The following HECTD4 variants were observed in gnomAD, a reference collection of about 807,000 sequenced individuals.
The protein encoded by HECTD4 is HECT domain E3 ubiquitin protein ligase 4.
A neutral mutation model predicts 471.5 loss-of-function variants in HECTD4; 114 were observed. The observed-to-expected ratio is 0.24, with a 90% CI of 0.21 to 0.28. The LOEUF (loss-of-function observed/expected upper bound fraction) is 0.28. HECTD4 is among the 10% of genes least tolerant of loss of function. The pLI is 1.00. For synonymous variants in HECTD4, 2,012 were observed against 2,256.0 expected (o/e 0.89, Z 3.07); for missense variants, 3,866 against 5,651.5 (o/e 0.68, Z 10.13).
Position 112,173,268 on chromosome 12 carries a change from G to A in HECTD4, c.11595-407C>T, listed in dbSNP as rs987763882. On this transcript the variant is annotated intron_variant, in intron 66 of 75. Coordinates refer to ENST00000682272, the MANE Select transcript of HECTD4 (RefSeq NM_001388303.1). The surrounding 1 kb of genome is among the most constrained non-coding windows in gnomAD (Gnocchi z 4.3). ...TGCAGTGGGGCAATCATAGCTCACT[G>A]CAGCCTTGAACTCCTGGACTCAAGC... is the stretch of plus-strand genomic sequence containing the variant. Among the ~76,000 whole-genome samples the A allele has an allele frequency of 1.2e-4, 18 of 152,130 alleles. No homozygotes were observed. The highest frequency in any genetic ancestry group is 2.9e-5 in the Non-Finnish European group (2 of 68,026).
chr12:112,202,209 A>ATT (rs146967252), intron 54 of HECTD4, among the ~76,000 whole-genome samples: 3 of 145,370 alleles, frequency 2.1e-5, no homozygotes, highest in African/African-American at 2.5e-5. Flanking sequence ...AGATGATGTA[A>ATT]TTTTTTTTTT....
chr12:112,230,709 A>G lies in HECTD4; in HGVS notation c.6314T>C (p.Ile2105Thr). The change falls in exon 40 of 76, where the codon ATA becomes ACA. Residue 2105 changes from isoleucine (I) to threonine (T), a missense_variant. By Grantham distance (89) the Ile-to-Thr change is moderately conservative. Coordinates refer to ENST00000682272, the MANE Select transcript of HECTD4 (RefSeq NM_001388303.1). Reference sequence around the variant, plus strand: ...AACCTTCTCTGCTGTTGTGGTCCATATTTGAGCAGCATTTGATTCAGGTGC... The same window carrying G: ...AACCTTCTCTGCTGTTGTGGTCCATGTTTGAGCAGCATTTGATTCAGGTGC... ...LMAPESNAAQIWTTTAEKVLS... is the reference protein window; with the variant it reads ...LMAPESNAAQTWTTTAEKVLS... 1 of 1,611,078 alleles carries G rather than the reference A, an allele frequency of 6.2e-7. No individual in the cohort carries two copies. Among genetic ancestry groups the G allele is most frequent in the Admixed American group, 1.7e-5 (1 of 59,548 alleles).
At chr12:112,314,364 G>C in intron 3 of HECTD4, 93 bp downstream of exon 3, 2 of 619,828 alleles carry the variant, frequency 3.2e-6, no homozygotes, top group Non-Finnish European at 5.7e-6. Flanking sequence ...ATCACTAATT[G>C]ATAAGAGTTT....
Position 112,244,976 on chromosome 12 carries a change from C to T in HECTD4, c.4514-967G>A, listed in dbSNP as rs557376684. 8.9e-4 allele frequency among the ~76,000 whole-genome samples: 135 copies of T among 152,126 alleles called. 1 individual carries two copies. The highest frequency in any genetic ancestry group is 3.2e-3 in the African/African-American group (133 of 41,512). ...TGTTGAGAAAGTGCAGGAAAAAAAA[C>T]ATTTTGTTTTATTTTTCTAAAATTT... On this transcript the variant is annotated intron_variant, in intron 29 of 75. Transcript: ENST00000682272.
chr12:112,298,337 C>A (rs750482044), intron 7 of HECTD4, among the ~76,000 whole-genome samples: 3 of 152,062 alleles, frequency 2.0e-5, no homozygotes, highest in Non-Finnish European at 4.4e-5. Flanking sequence ...AAAATTCTGT[C>A]CCCTAGCCCC....
intron 4 of HECTD4, among the ~76,000 whole-genome samples, chr12:112,311,484 C>G (rs1042910942): frequency 1.3e-5 from 2 of 150,734 alleles, no homozygotes; most frequent in Non-Finnish European, 3.0e-5. Flanking sequence ...ATTATCCAGG[C>G]ATGTTAGTGC....
intron 8 of HECTD4, 65 bp from the exon 9 acceptor site, chr12:112,279,451 A>C (rs759304311): frequency 2.6e-5 from 36 of 1,389,178 alleles, no homozygotes; most frequent in Non-Finnish European, 3.5e-5. Flanking sequence ...GATTACCAAC[A>C]CAGATTAGGA....
rs1451311620 is a variant in HECTD4, at chr12:112,217,094, G to A, written c.7176C>T (p.Ser2392=). The change falls in exon 46 of 76, where the codon AGC becomes AGT. Residue 2392 remains serine (S), a synonymous_variant. Coordinates refer to ENST00000682272, the MANE Select transcript of HECTD4 (RefSeq NM_001388303.1). ...LTSVTFLADP[S]AGGGLPRGTF... The stretch of plus-strand genomic sequence containing the variant: ...TGCCCCGGGGCAGGCCTCCCCCAGC[G>A]CTGGGGTCAGCCAGGAAGGTGACTG... 9.4e-6 allele frequency: 15 copies of A among 1,592,880 alleles called. No individual in the cohort carries two copies. The highest frequency in any genetic ancestry group is 1.3e-5 in the African/African-American group (1 of 74,082).
At chr12:112,177,721 G>T (rs972941967) in intron 64 of HECTD4, among the ~76,000 whole-genome samples, 4 of 152,208 alleles carry the variant, frequency 2.6e-5, no homozygotes, top group African/African-American at 9.7e-5. Context: ...AATTCTTTTT[G>T]TACTGGTCTG....
At position 112,269,857 on chromosome 12, in the gene HECTD4, A is replaced by T; in HGVS notation, c.2176-8T>A. 1 of 1,612,248 alleles carries T rather than the reference A, an allele frequency of 6.2e-7. No individual in the cohort carries two copies. Among genetic ancestry groups the T allele is most frequent in the Non-Finnish European group, 8.5e-7 (1 of 1,178,490 alleles). ...GAAAAATTTAAATACCACCTACAGA[A>T]ACAGAAGGAGTCTATCTAAAAATGC... On this transcript the variant is annotated splice_region_variant and splice_polypyrimidine_tract_variant and intron_variant, in intron 12 of 75. Coordinates refer to ENST00000682272, the MANE Select transcript of HECTD4 (RefSeq NM_001388303.1).
At chr12:112,262,530 A>AAAG (rs2034172056) in intron 17 of HECTD4, among the ~76,000 whole-genome samples, 1 of 149,964 alleles carries the variant, frequency 6.7e-6, no homozygotes, top group Non-Finnish European at 1.5e-5. Context: ...AAAAAAAAAA[A>AAAG]AAAAAAAAAA....
chr12:112,261,969 T>C (rs942748021), intron 17 of HECTD4: 7 of 152,232 alleles, frequency 4.6e-5, no homozygotes, highest in African/African-American at 1.2e-4. Flanking sequence ...TTAAAAAAAT[T>C]CAATTAAAGT....
In HECTD4 at chr12:112,210,205, C is replaced by T. The variant is rs765807587; in HGVS notation, c.7677G>A (p.Ala2559=). 1.2e-5 allele frequency: 20 copies of T among 1,613,850 alleles called. No homozygotes were observed. The highest frequency in any genetic ancestry group is 8.8e-5 in the South Asian group (8 of 91,084). The part of the protein sequence containing the change: ...ANFGSRPFAY[A]EGQAHRNAAD... ...CAGCATTGCGGTGGGCCTGCCCTTC[C>T]GCGTAGGCAAACGGCCGGGAGCCAA... Residue 2559 remains alanine, a synonymous_variant, in exon 50 of 76, where the codon GCG becomes GCA. Transcript: ENST00000682272.
intron 7 of HECTD4, among the ~76,000 whole-genome samples, chr12:112,291,124 T>C (rs1208984100): frequency 1.3e-5 from 2 of 152,158 alleles, no homozygotes; most frequent in Non-Finnish European, 2.9e-5. Context: ...AAAATTTTTC[T>C]TAATACTAAA....
rs772613361 is a variant in HECTD4, at chr12:112,184,227, G to A, written c.10739C>T (p.Pro3580Leu). 1 of 1,613,244 alleles carries A rather than the reference G, an allele frequency of 6.2e-7. No homozygotes were observed. The highest frequency in any genetic ancestry group is 1.1e-5 in the South Asian group (1 of 91,058). ...MYTVTSLDNQ[P>L]LAARPIKGFA... ...GCCTTTGATGGGGCGGGCGGCGAGGGGCTGGTTGTCCAGGGAAGTGACTGT... is the reference window on the plus strand; with the variant it reads ...GCCTTTGATGGGGCGGGCGGCGAGGAGCTGGTTGTCCAGGGAAGTGACTGT... Residue 3580 changes from proline (P) to leucine (L), a missense_variant, in exon 61 of 76, where the codon CCC (proline) becomes CTC (leucine). Pro to Leu is a moderately conservative substitution (Grantham distance 98). Transcript: ENST00000682272. The surrounding 1 kb of genome is among the most constrained non-coding windows in gnomAD (Gnocchi z 9.1).
intron 7 of HECTD4, among the ~76,000 whole-genome samples, chr12:112,283,791 C>T (rs916347953): frequency 1.6e-4 from 24 of 152,192 alleles, no homozygotes; most frequent in African/African-American, 4.8e-4. Context: ...CCAGACTTTG[C>T]TAAAAATACA....
Position 112,163,394 on chromosome 12 carries a change from G to T in HECTD4, c.12898-130C>A. On this transcript the variant is annotated intron_variant, in intron 74 of 75. Transcript: ENST00000682272. The surrounding 1 kb of genome is among the most constrained non-coding windows in gnomAD (Gnocchi z 8.2). ...AACGTGTGGGCTGTGAGCACAGGGA[G>T]ATGACAATGATGACAATGATACAGG... The T allele has an allele frequency of 7.1e-6, 7 of 983,218 alleles. No individual in the cohort carries two copies. The highest frequency in any genetic ancestry group is 1.0e-5 in the Non-Finnish European group (7 of 669,164). The allele number at this position is 983,218 out of a possible 1,614,324, so 60.9% of individuals were successfully genotyped here.
At chr12:112,220,796 CTAAA>C (rs1398251738) in intron 44 of HECTD4, among the ~76,000 whole-genome samples, 1 of 151,500 alleles carries the variant, frequency 6.6e-6, no homozygotes, top group East Asian at 2.0e-4. Context: ...GACTCTGTCT[CTAAA>C]TAAATAAACA....
intron 7 of HECTD4, among the ~76,000 whole-genome samples, chr12:112,296,414 G>A (rs532713562): frequency 5.9e-5 from 9 of 151,904 alleles, no homozygotes; most frequent in African/African-American, 2.2e-4. Flanking sequence ...TGCAGAGGAT[G>A]TAGGTGCAGA....
Sources: allele counts gnomAD v4.1 joint callset (sites outside exome capture counted in the v4.1 genomes callset), GRCh38; gene constraint gnomAD v4.1.1; non-coding constraint Gnocchi (gnomAD v3.1); transcripts MANE v1.5; gene names NCBI Gene and HGNC (gene_info 2026-07-23, HGNC 2026-07-21).